RASGRF1: variants seen among roughly 807,000 people sequenced by gnomAD.
RASGRF1 encodes the protein Ras protein specific guanine nucleotide releasing factor 1.
RASGRF1 carries 40 observed loss-of-function variants against 138.7 expected under a neutral mutation model. That is an observed-to-expected ratio of 0.29 (90% CI 0.22 to 0.38). The LOEUF (loss-of-function observed/expected upper bound fraction) is 0.38, where lower values mean the gene tolerates loss of function less well. Among genes scored for constraint, RASGRF1 ranks in the 10% least tolerant of loss-of-function variants. The pLI is 1.00. For missense variants in RASGRF1, 1,108 were observed against 1,650.4 expected (o/e 0.67, Z 5.69); for synonymous variants, 614 against 663.2 (o/e 0.93, Z 1.14).
intron 23 of RASGRF1, among the ~76,000 whole-genome samples, chr15:78,983,921 C>T (rs2056090948): frequency 6.6e-6 from 1 of 152,206 alleles, no homozygotes; most frequent in South Asian, 2.1e-4. Context: ...TGGGGTGTCC[C>T]TGCATGTTCT....
intron 11 of RASGRF1, among the ~76,000 whole-genome samples, chr15:79,019,071 G>A (rs1168684971): frequency 6.6e-6 from 1 of 151,054 alleles, no homozygotes; most frequent in Non-Finnish European, 1.5e-5. Context: ...ATGAGGGCGT[G>A]TGTGTGTGTG....
At chr15:79,065,804 G>T (rs565667147) in intron 1 of RASGRF1, among the ~76,000 whole-genome samples, 3 of 152,024 alleles carry the variant, frequency 2.0e-5, no homozygotes, top group Non-Finnish European at 4.4e-5. Flanking sequence ...AGGTGGCAGG[G>T]AGCAGCAGCA....
intron 26 of RASGRF1, among the ~76,000 whole-genome samples, chr15:78,967,106 G>A (rs561065745): frequency 6.6e-6 from 1 of 151,926 alleles, no homozygotes; most frequent in African/African-American, 2.4e-5. Context: ...AGTTCAACAT[G>A]GGCAGACCCT....
chr15:78,994,554 G>T (rs183897855), intron 20 of RASGRF1, among the ~76,000 whole-genome samples: 56 of 152,330 alleles, frequency 3.7e-4, no homozygotes, highest in Non-Finnish European at 5.9e-4. Context: ...ATCCCCAGCC[G>T]CTGTGATGCA....
intron 1 of RASGRF1, among the ~76,000 whole-genome samples, chr15:79,079,755 C>G (rs528271614): frequency 6.6e-6 from 1 of 152,166 alleles, no homozygotes; most frequent in Non-Finnish European, 1.5e-5. Flanking sequence ...CTTTTTTTGT[C>G]TCTTGAATGT....
chr15:79,002,850 A>G (rs938743503), intron 15 of RASGRF1, among the ~76,000 whole-genome samples: 6 of 152,188 alleles, frequency 3.9e-5, no homozygotes, highest in Admixed American at 3.9e-4. Context: ...CCCTCTTGCC[A>G]GCTCAGAGGA....
intron 22 of RASGRF1, among the ~76,000 whole-genome samples, chr15:78,988,577 G>A (rs1208788026): frequency 1.3e-5 from 2 of 152,256 alleles, no homozygotes; most frequent in Non-Finnish European, 2.9e-5. Context: ...CTTCTAGGCT[G>A]CTGAGGATCC....
chr15:79,041,866 G>A (rs2057301637), intron 5 of RASGRF1, among the ~76,000 whole-genome samples: 1 of 152,152 alleles, frequency 6.6e-6, no homozygotes, highest in African/African-American at 2.4e-5. Context: ...AGGATGAATT[G>A]ATTGTGGCAT....
At chr15:79,067,286 G>A (rs1413779085) in intron 1 of RASGRF1, among the ~76,000 whole-genome samples, 1 of 152,168 alleles carries the variant, frequency 6.6e-6, no homozygotes, top group Non-Finnish European at 1.5e-5. Context: ...GCAGCTGTGA[G>A]GGCCTCCACC....
At chr15:78,997,341 C>T (rs2056415986) in intron 19 of RASGRF1, among the ~76,000 whole-genome samples, 1 of 152,226 alleles carries the variant, frequency 6.6e-6, no homozygotes, top group Admixed American at 6.5e-5. Flanking sequence ...CTGTCCAATG[C>T]AGGGACTGCT....
intron 8 of RASGRF1, 75 bp downstream of exon 8, chr15:79,031,325 A>C: frequency 8.8e-7 from 1 of 1,141,794 alleles, no homozygotes; most frequent in Non-Finnish European, 1.3e-6. Context: ...TCAGGGGTTC[A>C]GCGAACTCCT....
chr15:79,066,961 G>C (rs2057688780), intron 1 of RASGRF1, among the ~76,000 whole-genome samples: 1 of 152,130 alleles, frequency 6.6e-6, no homozygotes, highest in South Asian at 2.1e-4. Context: ...CTCCATCTGT[G>C]TGGCCTCGCT....
At chr15:79,079,869 C>G (rs1013611448) in intron 1 of RASGRF1, among the ~76,000 whole-genome samples, 2 of 152,248 alleles carry the variant, frequency 1.3e-5, no homozygotes, top group Non-Finnish European at 2.9e-5. Flanking sequence ...CTTCTCCAAG[C>G]TGCACCCTGT....
chr15:79,023,431 T>C (rs1332212875), intron 10 of RASGRF1, among the ~76,000 whole-genome samples: 1 of 152,162 alleles, frequency 6.6e-6, no homozygotes, highest in Non-Finnish European at 1.5e-5. Flanking sequence ...GTGTGAGGGA[T>C]GGAGCTGGGA....
chr15:78,983,730 A>G lies in RASGRF1; in HGVS notation c.3414+1277T>C, dbSNP rs116348503. Among the ~76,000 whole-genome samples, 449 of 152,348 alleles carry G rather than the reference A, an allele frequency of 2.9e-3. 1 individual carries two copies. Among genetic ancestry groups the G allele is most frequent in the African/African-American group, 0.01 (435 of 41,580 alleles). On this transcript the variant is annotated intron_variant, in intron 23 of 26. Coordinates refer to ENST00000558480, the MANE Select transcript of RASGRF1 (RefSeq NM_001145648.3). ...GCCTTGCTCAACACTTGCCTCCACGAGTTCATGACAGCATGTACCATGTTT... is the reference window on the plus strand; with the variant it reads ...GCCTTGCTCAACACTTGCCTCCACGGGTTCATGACAGCATGTACCATGTTT...
At position 79,006,768 on chromosome 15, in the gene RASGRF1, T is replaced by G. The variant is rs538667250; in HGVS notation, c.1827-334A>C. ...GGCTCACGCCTGTAATCCCAGCACTTTGGGAGGCTGAGGTGGGAGGATCAC... is the reference window on the plus strand; with the variant it reads ...GGCTCACGCCTGTAATCCCAGCACTGTGGGAGGCTGAGGTGGGAGGATCAC... On this transcript the variant is annotated intron_variant, in intron 13 of 26. Coordinates refer to ENST00000558480, the MANE Select transcript of RASGRF1 (RefSeq NM_001145648.3). This position sits in a 1 kb window ranked among gnomAD's most constrained non-coding sequence, Gnocchi z 4.0. 6.6e-6 allele frequency among the ~76,000 whole-genome samples: 1 copy of G among 152,282 alleles called. No homozygotes were observed. The highest frequency in any genetic ancestry group is 2.1e-4 in the South Asian group (1 of 4,816).
At chr15:79,020,149 T>C (rs772772598) in intron 10 of RASGRF1, 45 bp from the exon 11 acceptor site, 6 of 1,593,098 alleles carry the variant, frequency 3.8e-6, no homozygotes, top group Middle Eastern at 1.7e-4. Context: ...GGGGTAGATA[T>C]GCTGGTTTAG....
At position 78,973,182 on chromosome 15, in the gene RASGRF1, C is replaced by T. The variant is rs1278464948; in HGVS notation, c.3612+121G>A. On this transcript the variant is annotated intron_variant, in intron 25 of 26. Transcript: ENST00000558480. This position sits in a 1 kb window ranked among gnomAD's most constrained non-coding sequence, Gnocchi z 4.9. The stretch of plus-strand genomic sequence containing the variant: ...TCATTGGGGAAGCTGGACCCAGGCT[C>T]CCAAATGGGGGCACCCTATGCAGCA... The T allele has an allele frequency of 6.6e-6, 5 of 752,218 alleles. No homozygotes were observed. The African/African-American group carries it at 8.8e-5, about 13-fold the overall frequency. The allele number at this position is 752,218 out of a possible 1,614,324, so 46.6% of individuals were successfully genotyped here.
At chr15:78,992,658 G>T (rs950254954) in intron 20 of RASGRF1, among the ~76,000 whole-genome samples, 1 of 152,158 alleles carries the variant, frequency 6.6e-6, no homozygotes, top group African/African-American at 2.4e-5. Flanking sequence ...GGAGGAGAGC[G>T]GTCAACCCCT....
Sources: gnomAD v4.1 joint callset for allele counts (sites outside exome capture counted in the v4.1 genomes callset) on GRCh38, gnomAD v4.1.1 for gene constraint, Gnocchi (gnomAD v3.1) non-coding constraint, MANE v1.5 for transcripts, NCBI Gene and HGNC (gene_info 2026-07-23, HGNC 2026-07-21) for gene names.